AK5: variants seen among roughly 807,000 people sequenced by gnomAD.
AK5 encodes adenylate kinase isoenzyme 5.
In AK5, 27 loss-of-function variants were observed where a neutral mutation model predicts 69.5. The observed-to-expected ratio is 0.39, with a 90% CI of 0.29 to 0.54. AK5 has a LOEUF of 0.54. AK5 is among the 20% of genes least tolerant of loss of function. The pLI is 0.71. For synonymous variants in AK5, 260 were observed against 244.4 expected (o/e 1.06, Z -0.60); for missense variants, 531 against 700.4 (o/e 0.76, Z 2.73).
At chr1:77,390,614 C>A (rs534273282) in intron 6 of AK5, among the ~76,000 whole-genome samples, 22 of 152,256 alleles carry the variant, frequency 1.4e-4, no homozygotes, top group African/African-American at 4.6e-4. Flanking sequence ...CCAGGGAGAT[C>A]ATCAAAATCA....
rs776009906 is a variant in AK5, at chr1:77,417,701, G to C, written c.1045G>C (p.Asp349His). The C allele has an allele frequency of 1.9e-6, 3 of 1,595,764 alleles. No individual in the cohort carries two copies. Among genetic ancestry groups the C allele is most frequent in the Admixed American group, 1.7e-5 (1 of 59,468 alleles). ...TGGAGAGATCATTGATACAGGATCT[G>C]ATTATGAAGATCAGGTAATTAAAAT... ...DTGEIIDTGS[D>H]YEDQGDDQLN... is the part of the protein sequence containing the mutation. The change falls in exon 8 of 14, where the codon GAT becomes CAT. Residue 349 changes from aspartate to histidine, a missense_variant. Transcript: ENST00000354567.
At chr1:77,399,262 G>A (rs1649035652) in intron 6 of AK5, among the ~76,000 whole-genome samples, 2 of 152,248 alleles carry the variant, frequency 1.3e-5, no homozygotes, top group East Asian at 3.9e-4. Flanking sequence ...ATAAAATTTA[G>A]ACAATCGGCC....
chr1:77,367,645 T>TTATATATGTTATATATATGTTATATATAA (rs1557533209), intron 6 of AK5, among the ~76,000 whole-genome samples: 1 of 65,354 alleles, frequency 1.5e-5, no homozygotes, highest in Non-Finnish European at 2.7e-5. Flanking sequence ...ATATGTTATG[T>TTATATATGTTATATATATGTTATATATAA]TATATATGTT....
At position 77,282,156 on chromosome 1, in the gene AK5, C is replaced by CT; in HGVS notation, c.-158_-157insT. On this transcript the variant is annotated 5_prime_UTR_variant, in exon 1 of 14. Coordinates refer to ENST00000354567, the MANE Select transcript of AK5 (RefSeq NM_174858.3). ...GCCCCCGGGGAGAGGCGGAGGGGGT[C>CT]CCTGGCCTGGGCGGAGAGGCTGAGC... 1 of 561,038 alleles carries CT rather than the reference C, an allele frequency of 1.8e-6. No homozygotes were observed. Among genetic ancestry groups the CT allele is most frequent in the Non-Finnish European group, 3.0e-6 (1 of 335,586 alleles). The allele number at this position is 561,038 out of a possible 1,614,324, so 34.8% of individuals were successfully genotyped here.
chr1:77,496,914 A>G (rs925173813), intron 10 of AK5, among the ~76,000 whole-genome samples: 1 of 152,184 alleles, frequency 6.6e-6, no homozygotes, highest in Admixed American at 6.5e-5. Flanking sequence ...AAATGGACCA[A>G]TCGGCACTCT....
chr1:77,427,114 A>C (rs1443842136), intron 8 of AK5, among the ~76,000 whole-genome samples: 2 of 151,916 alleles, frequency 1.3e-5, no homozygotes, highest in Admixed American at 1.3e-4. Flanking sequence ...GACCAAATTA[A>C]GTCCAAAGTA....
At chr1:77,518,477 C>A in intron 10 of AK5, 87 bp from the exon 11 acceptor site, 1 of 1,399,844 alleles carries the variant, frequency 7.1e-7, no homozygotes, top group Non-Finnish European at 9.9e-7. Context: ...GTGACTGGAA[C>A]ACTGAGGCTT....
chr1:77,292,311 T>C (rs1242815117), intron 2 of AK5, among the ~76,000 whole-genome samples: 1 of 152,180 alleles, frequency 6.6e-6, no homozygotes, highest in Non-Finnish European at 1.5e-5. Flanking sequence ...CTAAAAGAGA[T>C]CTACTGTCAT....
At chr1:77,283,878 G>C (rs1166261496) in intron 1 of AK5, among the ~76,000 whole-genome samples, 1 of 152,130 alleles carries the variant, frequency 6.6e-6, no homozygotes, top group Non-Finnish European at 1.5e-5. Flanking sequence ...TCTGTAGGAG[G>C]ACCACGTGAT....
At position 77,368,215 on chromosome 1, in the gene AK5, CTATA is replaced by C. The variant is rs1172723260; in HGVS notation, c.891+27682_891+27685del. Among the ~76,000 whole-genome samples, 141 of 28,186 alleles carry C rather than the reference CTATA, an allele frequency of 5.0e-3. 1 individual carries two copies. Among genetic ancestry groups the C allele is most frequent in the African/African-American group, 0.013 (138 of 10,546 alleles). The allele number at this position is 28,186 out of a possible 152,430, so 18.5% of individuals were successfully genotyped here. A position where few individuals can be genotyped will look rare whatever the true frequency, so the allele number is the denominator to read the frequency against. ...TTGACCTTACTGAAGAGTAGAGATA[CTATA>C]TATATATATATATATATATATATAT... On this transcript the variant is annotated intron_variant, in intron 6 of 13. Transcript: ENST00000354567.
chr1:77,361,361 C>T (rs746397202), intron 6 of AK5, among the ~76,000 whole-genome samples: 1 of 152,136 alleles, frequency 6.6e-6, no homozygotes, highest in Non-Finnish European at 1.5e-5. Context: ...ACCTATAGGA[C>T]CTGACAACTA....
At chr1:77,375,960 T>C (rs1393058900) in intron 6 of AK5, among the ~76,000 whole-genome samples, 1 of 152,236 alleles carries the variant, frequency 6.6e-6, no homozygotes, top group African/African-American at 2.4e-5. Context: ...GCTGTGATGC[T>C]TAACTGAGAG....
chr1:77,543,484 CATA>C (rs1000981922), intron 13 of AK5, among the ~76,000 whole-genome samples: 5 of 151,916 alleles, frequency 3.3e-5, no homozygotes, highest in African/African-American at 1.2e-4. Context: ...TAATTTAAGT[CATA>C]ATAATTATTT....
intron 6 of AK5, 93 bp from the exon 7 acceptor site, chr1:77,410,888 G>C (rs1649997234): frequency 1.1e-6 from 1 of 912,926 alleles, no homozygotes; most frequent in South Asian, 1.6e-5. Context: ...CTTCATTAGA[G>C]ATACAGTTGT....
At chr1:77,370,319 A>C (rs1044042735) in intron 6 of AK5, among the ~76,000 whole-genome samples, 1 of 152,196 alleles carries the variant, frequency 6.6e-6, no homozygotes, top group Admixed American at 6.5e-5. Context: ...TGAAAAGCTC[A>C]AATCTCAAAG....
chr1:77,484,185 A>G (rs1377803371), intron 9 of AK5, among the ~76,000 whole-genome samples: 1 of 152,118 alleles, frequency 6.6e-6, no homozygotes, highest in African/African-American at 2.4e-5. Flanking sequence ...AGTCTTGCAA[A>G]AAGTAAAAAT....
At chr1:77,554,169 C>T (rs114621734) in intron 13 of AK5, among the ~76,000 whole-genome samples, 4,556 of 152,282 alleles carry the variant, frequency 0.03, 83 homozygotes, top group Non-Finnish European at 0.044. Flanking sequence ...CTGCCCCCAT[C>T]ACCCCATGCA....
intron 6 of AK5, among the ~76,000 whole-genome samples, chr1:77,362,840 A>G (rs954178700): frequency 4.6e-5 from 7 of 152,228 alleles, no homozygotes; most frequent in South Asian, 4.1e-4. Flanking sequence ...ATTTGGTAAT[A>G]TGAATCAAAA....
At chr1:77,348,737 A>G (rs911223467) in intron 6 of AK5, among the ~76,000 whole-genome samples, 3 of 151,546 alleles carry the variant, frequency 2.0e-5, no homozygotes, top group African/African-American at 7.3e-5. Flanking sequence ...ATATGTATAC[A>G]CACCCACACA....
Sources: gnomAD v4.1 joint callset for allele counts (sites outside exome capture counted in the v4.1 genomes callset) on GRCh38, gnomAD v4.1.1 for gene constraint, MANE v1.5 for transcripts, NCBI Gene and HGNC (gene_info 2026-07-23, HGNC 2026-07-21) for gene names.